SDK1: variants seen among roughly 807,000 people sequenced by gnomAD.
SDK1 encodes the protein protein sidekick-1.
In SDK1, 157 loss-of-function variants were observed where a neutral mutation model predicts 245.5. That is an observed-to-expected ratio of 0.64 (90% confidence interval 0.56 to 0.73). SDK1 has a LOEUF of 0.73. Ranked by LOEUF, SDK1 falls within the 30% of genes least tolerant of loss-of-function variation. The pLI, the probability that SDK1 is intolerant of heterozygous loss-of-function variation, is 0.00. For missense variants in SDK1, 3,583 were observed against 3,002.3 expected (o/e 1.19, Z -4.52); for synonymous variants, 1,647 against 1,278.5 (o/e 1.29, Z -6.15).
chr7:4,172,071 G>A (rs570693796), intron 32 of SDK1, among the ~76,000 whole-genome samples: 2 of 152,172 alleles, frequency 1.3e-5, no homozygotes, highest in East Asian at 1.9e-4. Context: ...TCTAAGACAC[G>A]GATCGCAAAG....
chr7:3,926,057 A>C (rs78053960), intron 5 of SDK1, among the ~76,000 whole-genome samples: 195 of 152,248 alleles, frequency 1.3e-3, no homozygotes, highest in African/African-American at 4.6e-3. Context: ...ACTTCAGGGA[A>C]ATCAGTGTCA....
chr7:3,411,996 A>G (rs888432120), intron 1 of SDK1, among the ~76,000 whole-genome samples: 2 of 152,192 alleles, frequency 1.3e-5, no homozygotes, highest in African/African-American at 4.8e-5. Context: ...TTTGATTTCC[A>G]CAATGTAAGG....
chr7:3,358,120 C>T (rs1033329844), intron 1 of SDK1, among the ~76,000 whole-genome samples: 1 of 152,058 alleles, frequency 6.6e-6, no homozygotes, highest in South Asian at 2.1e-4. Flanking sequence ...CTCCTGGATT[C>T]CAGCGATTCT....
At chr7:3,550,425 C>G (rs1321066557) in intron 1 of SDK1, among the ~76,000 whole-genome samples, 1 of 152,220 alleles carries the variant, frequency 6.6e-6, no homozygotes, top group Non-Finnish European at 1.5e-5. Context: ...AAGTTCAAAG[C>G]AGTCCTGACG....
At chr7:3,793,935 G>A (rs1293944975) in intron 4 of SDK1, among the ~76,000 whole-genome samples, 4 of 152,112 alleles carry the variant, frequency 2.6e-5, no homozygotes, top group African/African-American at 9.7e-5. Flanking sequence ...CTGTTCTGGG[G>A]AATGTGAAAA....
At chr7:3,442,982 G>A (rs1339523158) in intron 1 of SDK1, among the ~76,000 whole-genome samples, 1 of 151,130 alleles carries the variant, frequency 6.6e-6, no homozygotes, top group Non-Finnish European at 1.5e-5. Context: ...GTGTAGATTA[G>A]ATGAGGTGTG....
At chr7:4,175,592 C>T (rs1046216800) in intron 33 of SDK1, among the ~76,000 whole-genome samples, 183 bp from the exon 34 acceptor site, 8 of 152,244 alleles carry the variant, frequency 5.3e-5, no homozygotes, top group African/African-American at 1.7e-4. Context: ...GCGGCAGCCC[C>T]CGCAACTGGG....
At chr7:3,691,772 T>C (rs959632275) in intron 4 of SDK1, among the ~76,000 whole-genome samples, 1 of 152,156 alleles carries the variant, frequency 6.6e-6, no homozygotes, top group Admixed American at 6.5e-5. Context: ...CTTGTAGTAT[T>C]TGTTTTTGCC....
At chr7:4,095,636 G>C (rs754449632) in intron 22 of SDK1, among the ~76,000 whole-genome samples, 21 of 151,992 alleles carry the variant, frequency 1.4e-4, no homozygotes, top group Non-Finnish European at 2.5e-4. Flanking sequence ...GCAGTGGCGC[G>C]ATCTCAGCTC....
At chr7:3,444,679 G>T (rs573715606) in intron 1 of SDK1, among the ~76,000 whole-genome samples, 1 of 152,138 alleles carries the variant, frequency 6.6e-6, no homozygotes, top group East Asian at 1.9e-4. Context: ...ACAGTCAGTT[G>T]TTAGATTGCT....
intron 44 of SDK1, among the ~76,000 whole-genome samples, chr7:4,256,242 T>G (rs1787619423): frequency 6.6e-6 from 1 of 152,196 alleles, no homozygotes; most frequent in African/African-American, 2.4e-5. Context: ...AGATGGTTAT[T>G]TATAAAATAC....
intron 1 of SDK1, among the ~76,000 whole-genome samples, chr7:3,360,453 A>G (rs556901151): frequency 2.0e-5 from 3 of 152,248 alleles, no homozygotes; most frequent in Non-Finnish European, 4.4e-5. Context: ...TGCCAGGCTT[A>G]TAATGTTATT....
intron 4 of SDK1, among the ~76,000 whole-genome samples, chr7:3,783,194 T>A (rs1316324389): frequency 1.3e-5 from 2 of 152,230 alleles, no homozygotes; most frequent in Non-Finnish European, 2.9e-5. Context: ...CTCGGCAAAT[T>A]AGTTGTAGAA....
chr7:3,382,815 C>G (rs989685241), intron 1 of SDK1, among the ~76,000 whole-genome samples: 3 of 152,078 alleles, frequency 2.0e-5, no homozygotes, highest in African/African-American at 4.8e-5. Context: ...ACATCTGATT[C>G]ATTGAGTGGT....
chr7:4,046,099 T>C (rs1788999778), intron 17 of SDK1, among the ~76,000 whole-genome samples: 1 of 151,896 alleles, frequency 6.6e-6, no homozygotes, highest in South Asian at 2.1e-4. Context: ...CAGCTGATTT[T>C]TTTTTTTAAT....
At chr7:4,083,635 TCCTTCCTTCCTTCCTCC>T (rs1781216512) in intron 22 of SDK1, among the ~76,000 whole-genome samples, 8 of 83,906 alleles carry the variant, frequency 9.5e-5, no homozygotes, top group East Asian at 4.2e-4. Flanking sequence ...CTCCCTCCTT[TCCTTCCTTCCTTCCTCC>T]ACCCCTCCCT....
At chr7:3,580,890 C>T (rs1190970998) in intron 1 of SDK1, among the ~76,000 whole-genome samples, 2 of 141,236 alleles carry the variant, frequency 1.4e-5, no homozygotes, top group African/African-American at 2.6e-5. Flanking sequence ...ATCGCTTGAA[C>T]TGAGGAGGCA....
chr7:4,127,294 C>A (rs1784451614), intron 25 of SDK1, 87 bp from the exon 26 acceptor site: 2 of 996,378 alleles, frequency 2.0e-6, no homozygotes, highest in Admixed American at 1.7e-5. Flanking sequence ...ATTTCAAGGA[C>A]AACTTGATTA....
chr7:3,946,329 C>T (rs1780577846), intron 5 of SDK1, among the ~76,000 whole-genome samples: 1 of 152,002 alleles, frequency 6.6e-6, no homozygotes, highest in Admixed American at 6.6e-5. Flanking sequence ...AGGCACAGAC[C>T]ACTAAACCTG....
Sources: allele counts gnomAD v4.1 joint callset (sites outside exome capture counted in the v4.1 genomes callset), GRCh38; gene constraint gnomAD v4.1.1; transcripts MANE v1.5; gene names NCBI Gene and HGNC (gene_info 2026-07-23, HGNC 2026-07-21).